LPIN1: variants seen among roughly 807,000 people sequenced by gnomAD.
The protein encoded by LPIN1 is lipin 1.
A neutral mutation model predicts 107.5 loss-of-function variants in LPIN1; 71 were observed. That is an observed-to-expected ratio of 0.66 (90% CI 0.55 to 0.80). LPIN1 has a LOEUF of 0.80. Ranked by LOEUF, LPIN1 falls within the 30% of genes least tolerant of loss-of-function variation. LPIN1 has a pLI of 0.00. For missense variants in LPIN1, 1,043 were observed against 1,160.6 expected (o/e 0.90, Z 1.47); for synonymous variants, 445 against 452.6 (o/e 0.98, Z 0.21).
chr2:11,713,919 C>G, intron 2 of LPIN1: 1 of 729,684 alleles, frequency 1.4e-6, no homozygotes, highest in Non-Finnish European at 2.3e-6. Flanking sequence ...TCTGCAGTCT[C>G]CAAGGCAGGC....
At chr2:11,818,706 A>G (rs1035505768) in intron 18 of LPIN1, 2 of 151,928 alleles carry the variant, frequency 1.3e-5, no homozygotes, top group African/African-American at 4.8e-5. Flanking sequence ...GCAATACAGC[A>G]GTGAATTGCC....
chr2:11,819,408 T>G, intron 18 of LPIN1, 76 bp from the exon 19 acceptor site: 1 of 970,002 alleles, frequency 1.0e-6, no homozygotes, highest in South Asian at 1.3e-5. Flanking sequence ...TTGCGGCAGC[T>G]TTGTCAGCTA....
chr2:11,781,156 T>G (rs536567263), intron 7 of LPIN1, among the ~76,000 whole-genome samples: 1 of 152,340 alleles, frequency 6.6e-6, no homozygotes, highest in South Asian at 2.1e-4. Context: ...ATTGAAAACA[T>G]CCCTTATAAA....
chr2:11,808,079 G>A (rs906083390), intron 17 of LPIN1, among the ~76,000 whole-genome samples: 1 of 152,044 alleles, frequency 6.6e-6, no homozygotes, highest in African/African-American at 2.4e-5. Context: ...TATTTTTATA[G>A]CCTTTAATGC....
chr2:11,819,460 ATC>A (rs1281452091), intron 18 of LPIN1, 22 bp from the exon 19 acceptor site: 1 of 1,404,272 alleles, frequency 7.1e-7, no homozygotes, highest in Non-Finnish European at 1.0e-6. Flanking sequence ...TCTCATGTTA[ATC>A]TGTTATTTAT....
In LPIN1 at chr2:11,699,409, G is replaced by A. The variant is rs1303681878; in HGVS notation, c.82-14347G>A. Among the ~76,000 whole-genome samples, 3 of 152,182 alleles carry A rather than the reference G, an allele frequency of 2.0e-5. No homozygotes were observed. The East Asian group carries it at 5.8e-4, about 29-fold the overall frequency. ...ACAGCTTAGACTTGACCGGCGCCCT[G>A]ATGTCAGCGGGTATGGGTATGGAGT... On this transcript the variant is annotated intron_variant, in intron 1 of 21. Transcript: ENST00000449576.
intron 1 of LPIN1, among the ~76,000 whole-genome samples, chr2:11,755,763 C>T (rs1267248298): frequency 2.6e-5 from 4 of 151,648 alleles, no homozygotes; most frequent in African/African-American, 9.7e-5. Flanking sequence ...GCTCTGTCGC[C>T]CAAGCTGGAG....
intron 18 of LPIN1, chr2:11,817,433 T>C (rs924419825): frequency 1.3e-5 from 2 of 152,208 alleles, no homozygotes; most frequent in South Asian, 2.1e-4. Flanking sequence ...TCCTCTGTAG[T>C]TGTGCTTTTT....
chr2:11,749,019 C>A (rs1667395806), intron 1 of LPIN1, among the ~76,000 whole-genome samples: 1 of 152,140 alleles, frequency 6.6e-6, no homozygotes, highest in Non-Finnish European at 1.5e-5. Flanking sequence ...CCACTAGCAG[C>A]TTTGGGGCTT....
exon 1 of LPIN1, chr2:11,724,355 A>T (rs1466163397): frequency 6.1e-6 from 6 of 986,012 alleles, no homozygotes; most frequent in Non-Finnish European, 7.2e-6. Context: ...GGATGAAAGC[A>T]AGCTGGAGAG....
intron 1 of LPIN1, among the ~76,000 whole-genome samples, chr2:11,713,156 G>C (rs1216920193): frequency 6.6e-6 from 1 of 152,224 alleles, no homozygotes; most frequent in Non-Finnish European, 1.5e-5. Context: ...CTTTGGGGAA[G>C]ACATGAAGAT....
At chr2:11,721,094 C>T (rs976109257), upstream of LPIN1, among the ~76,000 whole-genome samples, 4 of 152,220 alleles carry the variant, frequency 2.6e-5, no homozygotes, top group East Asian at 1.9e-4. Context: ...TTCACTTCCA[C>T]GTCCCCAGGG....
At chr2:11,784,518 A>T (rs1039010130) in intron 9 of LPIN1, among the ~76,000 whole-genome samples, 1 of 152,158 alleles carries the variant, frequency 6.6e-6, no homozygotes, top group Non-Finnish European at 1.5e-5. Flanking sequence ...GCAGCTGTGC[A>T]GCCCTTTTTT....
intron 3 of LPIN1, among the ~76,000 whole-genome samples, chr2:11,769,219 C>A (rs1427372009): frequency 6.6e-6 from 1 of 152,218 alleles, no homozygotes; most frequent in Non-Finnish European, 1.5e-5. Flanking sequence ...TTGTCTACAT[C>A]TTTGCCAATA....
At chr2:11,790,705 A>G (rs969169079) in intron 12 of LPIN1, among the ~76,000 whole-genome samples, 2 of 151,942 alleles carry the variant, frequency 1.3e-5, no homozygotes, top group Non-Finnish European at 2.9e-5. Flanking sequence ...TTACAACTTC[A>G]CCCTCTGTTA....
In LPIN1 at chr2:11,774,965, TAAAA is replaced by T. The variant is rs1171247173; in HGVS notation, c.723-1108_723-1105del. Among the ~76,000 whole-genome samples, 3 of 119,926 alleles carry T rather than the reference TAAAA, an allele frequency of 2.5e-5. No individual in the cohort carries two copies. The Admixed American group carries it at 2.5e-4, about 10-fold the overall frequency. The allele number at this position is 119,926 out of a possible 152,430, so 78.7% of individuals were successfully genotyped here. A position where few individuals can be genotyped will look rare whatever the true frequency, so the allele number is the denominator to read the frequency against. On this transcript the variant is annotated intron_variant, in intron 5 of 20. Transcript: ENST00000674199. The surrounding 1 kb of genome is among the most constrained non-coding windows in gnomAD (Gnocchi z 4.4). The stretch of plus-strand genomic sequence containing the variant: ...TTCCAGTAGCCCTATTTTTAAAAAG[TAAAA>T]AAAAAAAAAAAAGATGAAATTAATT...
rs960844156 is a variant in LPIN1 at position 11,803,207 on chromosome 2, G to T, written c.2013+174G>T. Reference sequence around the variant, plus strand: ...CCACCCCAACTCCAGCACTATCCAGGCTGGGTCCCCAATATGACCTTGCCT... The same window carrying T: ...CCACCCCAACTCCAGCACTATCCAGTCTGGGTCCCCAATATGACCTTGCCT... On this transcript the variant is annotated intron_variant, in intron 15 of 20. Coordinates refer to ENST00000674199, the MANE Select transcript of LPIN1 (RefSeq NM_001349206.2). This position sits in a 1 kb window ranked among gnomAD's most constrained non-coding sequence, Gnocchi z 4.2. Among the ~76,000 whole-genome samples, 1 of 152,154 alleles carries T rather than the reference G, an allele frequency of 6.6e-6. No homozygotes were observed. Among genetic ancestry groups the T allele is most frequent in the Non-Finnish European group, 1.5e-5 (1 of 68,022 alleles).
intron 1 of LPIN1, among the ~76,000 whole-genome samples, chr2:11,711,748 G>C (rs6748533): frequency 0.15 from 23,505 of 152,052 alleles, 2,019 homozygotes; most frequent in East Asian, 0.3. Context: ...ATATCCCAGC[G>C]ATCCTTTGCT....
At chr2:11,769,344 A>G (rs1281574325) in intron 3 of LPIN1, among the ~76,000 whole-genome samples, 1 of 152,042 alleles carries the variant, frequency 6.6e-6, no homozygotes, top group Non-Finnish European at 1.5e-5. Context: ...TTATGTGCTT[A>G]TTGGCCATTT....
Sources: allele counts gnomAD v4.1 joint callset (sites outside exome capture counted in the v4.1 genomes callset), GRCh38; gene constraint gnomAD v4.1.1; non-coding constraint Gnocchi (gnomAD v3.1); transcripts MANE v1.5; gene names NCBI Gene and HGNC (gene_info 2026-07-23, HGNC 2026-07-21).